Variants in TMCO5A observed in about 807,000 individuals in gnomAD.
The protein encoded by TMCO5A is transmembrane and coiled-coil domain-containing protein 5A.
Under a neutral mutation model 42.3 loss-of-function variants are expected in TMCO5A, and 34 were observed. The ratio of observed to expected loss-of-function variants is 0.80; its 90% confidence interval spans 0.61 to 1.07. The LOEUF (loss-of-function observed/expected upper bound fraction) is 1.07. Among genes scored for constraint, TMCO5A ranks in the 50% least tolerant of loss-of-function variants. TMCO5A has a pLI of 0.00. For synonymous variants in TMCO5A, 131 were observed against 115.6 expected (o/e 1.13, Z -0.86); for missense variants, 357 against 327.9 (o/e 1.09, Z -0.69).
At chr15:37,950,592 G>A (rs1490301467) in intron 11 of TMCO5A, among the ~76,000 whole-genome samples, 1 of 152,090 alleles carries the variant, frequency 6.6e-6, no homozygotes, top group Non-Finnish European at 1.5e-5. Flanking sequence ...TTGTTCATCA[G>A]GGAAATGCAT....
intron 11 of TMCO5A, among the ~76,000 whole-genome samples, chr15:37,957,222 T>C (rs1890312671): frequency 6.6e-6 from 1 of 152,084 alleles, no homozygotes; most frequent in African/African-American, 2.4e-5. Context: ...TTCAACATAG[T>C]ATTGGAAGTT....
the TMCO5A span, among the ~76,000 whole-genome samples, chr15:37,987,266 T>C: frequency 1.3e-5 from 2 of 152,074 alleles, no homozygotes; most frequent in Non-Finnish European, 2.9e-5. Context: ...TATTATTGAG[T>C]TATCTCTATA....
chr15:37,984,021 T>C, the TMCO5A span, among the ~76,000 whole-genome samples: 1 of 152,188 alleles, frequency 6.6e-6, no homozygotes, highest in Non-Finnish European at 1.5e-5. Context: ...ACTACACTTA[T>C]GTCTTCTGAG....
the TMCO5A span, among the ~76,000 whole-genome samples, chr15:37,974,939 A>G: frequency 0.2 from 30,819 of 152,102 alleles, 6,452 homozygotes; most frequent in African/African-American, 0.54. Context: ...GGTATGTTGT[A>G]TCTTTGTTCT....
At chr15:37,981,200 C>CAAAAAAA in the TMCO5A span, among the ~76,000 whole-genome samples, 1 of 65,338 alleles carries the variant, frequency 1.5e-5, no homozygotes, top group African/African-American at 5.6e-5. Flanking sequence ...AGAAAGCCAG[C>CAAAAAAA]AAAAAAAAAA....
At chr15:38,024,667 CT>C in the TMCO5A span, 1 of 152,252 alleles carries the variant, frequency 6.6e-6, no homozygotes, top group African/African-American at 2.4e-5. Flanking sequence ...TGTTTCCCCT[CT>C]TTCCCCCTTA....
chr15:37,963,092 G>A (rs1195062233), intron 11 of TMCO5A, among the ~76,000 whole-genome samples: 3 of 151,828 alleles, frequency 2.0e-5, no homozygotes, highest in Non-Finnish European at 4.4e-5. Context: ...TCTTCTGCTG[G>A]GTTTGGTGTG....
the TMCO5A span, among the ~76,000 whole-genome samples, chr15:38,000,430 A>C: frequency 6.6e-6 from 1 of 151,498 alleles, no homozygotes; most frequent in Admixed American, 6.6e-5. Flanking sequence ...ATCTGGCTAA[A>C]AGTTTCTCGG....
At chr15:37,943,775 G>A (rs1378972684) in intron 10 of TMCO5A, 3 of 178,192 alleles carry the variant, frequency 1.7e-5, no homozygotes, top group East Asian at 3.1e-4. Flanking sequence ...ATCTTGACAT[G>A]GTTCCTAATC....
chr15:38,039,181 G>C, the TMCO5A span, among the ~76,000 whole-genome samples: 2 of 152,136 alleles, frequency 1.3e-5, no homozygotes, highest in Non-Finnish European at 2.9e-5. Context: ...TCTGAGTGTA[G>C]GGCTGTTAAA....
At chr15:37,980,160 G>C in the TMCO5A span, among the ~76,000 whole-genome samples, 1 of 152,160 alleles carries the variant, frequency 6.6e-6, no homozygotes, top group Non-Finnish European at 1.5e-5. Context: ...GGCTGCACTA[G>C]GGTCCTAGGC....
the TMCO5A span, among the ~76,000 whole-genome samples, chr15:37,982,158 A>G: frequency 6.6e-6 from 1 of 152,184 alleles, no homozygotes; most frequent in South Asian, 2.1e-4. Flanking sequence ...CTTCAAGAGA[A>G]TAGATGTGGA....
At chr15:38,014,186 G>A in the TMCO5A span, among the ~76,000 whole-genome samples, 2 of 152,200 alleles carry the variant, frequency 1.3e-5, no homozygotes, top group East Asian at 3.9e-4. Flanking sequence ...TATATTCATA[G>A]GTTCTGGATA....
the TMCO5A span, among the ~76,000 whole-genome samples, chr15:38,038,656 T>C: frequency 6.6e-6 from 1 of 152,132 alleles, no homozygotes; most frequent in Non-Finnish European, 1.5e-5. Flanking sequence ...TCTGCCCACC[T>C]CGGCCTCCCA....
At chr15:37,956,954 T>A (rs147616280) in intron 11 of TMCO5A, among the ~76,000 whole-genome samples, 1 of 151,964 alleles carries the variant, frequency 6.6e-6, no homozygotes, top group Non-Finnish European at 1.5e-5. Flanking sequence ...ATCAATAAAC[T>A]TAATCCATCA....
intron 2 of TMCO5A, among the ~76,000 whole-genome samples, chr15:37,935,632 T>C (rs1889483591): frequency 6.6e-6 from 1 of 152,152 alleles, no homozygotes; most frequent in African/African-American, 2.4e-5. Context: ...AAGAAAAATA[T>C]ATCAAGAGCC....
At chr15:38,027,939 G>A in the TMCO5A span, among the ~76,000 whole-genome samples, 1 of 152,102 alleles carries the variant, frequency 6.6e-6, no homozygotes, top group African/African-American at 2.4e-5. Context: ...GGAACTGTAA[G>A]TATATTAAGC....
At chr15:37,936,230 T>A (rs1595583173) in intron 2 of TMCO5A, 84 bp from the exon 3 acceptor site, 3 of 1,457,832 alleles carry the variant, frequency 2.1e-6, no homozygotes, top group African/African-American at 2.9e-5. Context: ...ATAAACTAGA[T>A]GTGTTCTAAA....
chr15:37,962,572 G>A (rs1224408391), intron 11 of TMCO5A, among the ~76,000 whole-genome samples: 4 of 151,894 alleles, frequency 2.6e-5, no homozygotes, highest in Admixed American at 1.3e-4. Context: ...TGGGGGATGG[G>A]GGTTCCCTCT....
Sources: allele counts gnomAD v4.1 joint callset (sites outside exome capture counted in the v4.1 genomes callset), GRCh38; gene constraint gnomAD v4.1.1; transcripts MANE v1.5; gene names NCBI Gene and HGNC (gene_info 2026-07-23, HGNC 2026-07-21).